CAMTA2: variants seen among roughly 807,000 people sequenced by gnomAD.
CAMTA2 encodes calmodulin-binding transcription activator 2.
In CAMTA2, 56 loss-of-function variants were observed where a neutral mutation model predicts 135.7. The ratio of observed to expected loss-of-function variants is 0.41; its 90% CI spans 0.33 to 0.52. The LOEUF is 0.52. CAMTA2 is among the 20% of genes least tolerant of loss of function. CAMTA2 has a pLI of 0.16. For synonymous variants in CAMTA2, 591 were observed against 604.6 expected (o/e 0.98, Z 0.33); for missense variants, 1,358 against 1,553.4 (o/e 0.87, Z 2.11).
chr17:4,986,480 G>A (rs1973315816), intron 1 of CAMTA2, 194 bp from the exon 2 acceptor site: 1 of 568,620 alleles, frequency 1.8e-6, no homozygotes, highest in Non-Finnish European at 3.1e-6. Flanking sequence ...TGAGTGAGCA[G>A]ACTGGACAGG....
In CAMTA2 at chr17:4,972,526, G is replaced by T. The variant is rs372446750; in HGVS notation, c.2514C>A (p.Ser838Arg). 1 of 1,604,238 alleles carries T rather than the reference G, an allele frequency of 6.2e-7. No individual in the cohort carries two copies. The highest frequency in any genetic ancestry group is 8.5e-7 in the Non-Finnish European group (1 of 1,176,166). ...PSSSPDTGLS[S>R]VSSPSELSDG... ...CCGACAGCTCCGAGGGCGAGGAGAC[G>T]CTGCTCAGACCTGTGTGGGGAGGGA... Residue 838 changes from serine to arginine, a missense_variant, in exon 16 of 23, where the codon AGC (serine) becomes AGA (arginine). Coordinates refer to ENST00000348066, the MANE Select transcript of CAMTA2 (RefSeq NM_015099.4).
chr17:4,973,390 G>T, intron 13 of CAMTA2, 137 bp from the exon 14 acceptor site: 1 of 872,458 alleles, frequency 1.1e-6, no homozygotes, highest in Non-Finnish European at 1.9e-6. Context: ...CTAGCTTAAG[G>T]AGGTCAAGAA....
Position 4,979,846 on chromosome 17 carries a change from A to G in CAMTA2, c.1476T>C (p.Pro492=). The part of the protein sequence containing the change: ...VGRGEALFGG[P]VGASELEPFS... ...AGGGCTCCAGTTCACTGGCCCCAAC[A>G]GGTCCTCCAAACAAGGCCTCTCCTC... is the stretch of plus-strand genomic sequence containing the variant. Residue 492 remains proline, a synonymous_variant, in exon 9 of 23, where the codon CCT becomes CCC. Transcript: ENST00000348066. 1 of 1,610,292 alleles carries G rather than the reference A, an allele frequency of 6.2e-7. No individual in the cohort carries two copies. The highest frequency in any genetic ancestry group is 8.5e-7 in the Non-Finnish European group (1 of 1,179,246).
In CAMTA2 at chr17:4,980,578, G is replaced by T. The variant is rs916877454; in HGVS notation, c.744C>A (p.Arg248=). Residue 248 remains arginine (R), a synonymous_variant, in exon 9 of 23, where the codon CGC becomes CGA. Transcript: ENST00000348066. This position sits in a 1 kb window ranked among gnomAD's most constrained non-coding sequence, Gnocchi z 5.3. Reference sequence around the variant, plus strand: ...GGGGCTCCACTTTGGGAGAGATGATGCGGTGTTTCGTGCTGCTGCATTTGT... The same window carrying T: ...GGGGCTCCACTTTGGGAGAGATGATTCGGTGTTTCGTGCTGCTGCATTTGT... ...LTHKCSSTKH[R]IISPKVEPRA... 6.2e-7 allele frequency: 1 copy of T among 1,614,046 alleles called. No homozygotes were observed.
chr17:4,977,277 A>C (rs1972673319), intron 10 of CAMTA2, 85 bp from the exon 11 acceptor site: 1 of 1,528,944 alleles, frequency 6.5e-7, no homozygotes, highest in Non-Finnish European at 8.9e-7. Flanking sequence ...CAATTATTCC[A>C]TAGTTATTTC....
intron 10 of CAMTA2, 40 bp from the exon 11 acceptor site, chr17:4,977,232 T>C (rs774286409): frequency 4.4e-6 from 7 of 1,601,868 alleles, no homozygotes; most frequent in Non-Finnish European, 6.0e-6. Flanking sequence ...TCTCTTTCCC[T>C]GGCTCCTTCT....
Position 4,968,393 on chromosome 17 carries a change from C to T in CAMTA2, c.*363G>A, listed in dbSNP as rs1294045663. ...GCGAAGGCAGTGGTGGGAACCGAGG[C>T]GGATACATTCAGAGACGCGTCGAAC... On this transcript the variant is annotated 3_prime_UTR_variant, in exon 23 of 23. Coordinates refer to ENST00000348066, the MANE Select transcript of CAMTA2 (RefSeq NM_015099.4). The T allele has an allele frequency of 2.6e-6, 1 of 381,704 alleles. No homozygotes were observed. Among genetic ancestry groups the T allele is most frequent in the Non-Finnish European group, 4.9e-6 (1 of 205,458 alleles). The allele number at this position is 381,704 out of a possible 1,614,324, so 23.6% of individuals were successfully genotyped here. A position where few individuals can be genotyped will look rare whatever the true frequency, so the allele number is the denominator to read the frequency against.
chr17:4,969,670 G>A lies in CAMTA2; in HGVS notation c.3221C>T (p.Ala1074Val). 1 of 1,614,004 alleles carries A rather than the reference G, an allele frequency of 6.2e-7. No individual in the cohort carries two copies. The highest frequency in any genetic ancestry group is 8.5e-7 in the Non-Finnish European group (1 of 1,180,028). The change falls in exon 19 of 23, where the codon GCA becomes GTA. Residue 1074 changes from alanine (A) to valine (V), a missense_variant. Physicochemically the swap from Ala to Val is moderately conservative, Grantham distance 64. Transcript: ENST00000348066. This position sits in a 1 kb window ranked among gnomAD's most constrained non-coding sequence, Gnocchi z 5.6. The part of the protein sequence containing the change: ...GRRLKEQQEV[A>V]AAVIQRCYRK... ...GTAACAGCGCTGGATTACAGCTGCT[G>A]CTACCTCCTGCTGCTCCTTCAGCCG...
At position 4,969,196 on chromosome 17, in the gene CAMTA2, G is replaced by A. The variant is rs1192309501; in HGVS notation, c.3424C>T (p.Pro1142Ser). ...QQHYRSYRRRPGPPHRTSATL... is the reference protein window; with the variant it reads ...QQHYRSYRRRSGPPHRTSATL... Reference sequence around the variant, plus strand: ...GCCGAAGTCCGGTGGGGAGGGCCGGGCCTGCGGCGGTAGGAGCGGTAGTGC... The same window carrying A: ...GCCGAAGTCCGGTGGGGAGGGCCGGACCTGCGGCGGTAGGAGCGGTAGTGC... The change falls in exon 21 of 23, where the codon CCC becomes TCC. Residue 1142 changes from proline (P) to serine (S), a missense_variant. Around this residue, in one of 4 missense-constraint regions of CAMTA2, gnomAD observed 167 missense variants for 207.0 expected, o/e 0.81. Transcript: ENST00000348066. The surrounding 1 kb of genome is among the most constrained non-coding windows in gnomAD (Gnocchi z 5.6). The A allele has an allele frequency of 6.2e-7, 1 of 1,611,810 alleles. No individual in the cohort carries two copies. Among genetic ancestry groups the A allele is most frequent in the South Asian group, 1.1e-5 (1 of 91,014 alleles).
rs1363719435 is a variant in CAMTA2, at chr17:4,980,286, G to A, written c.1036C>T (p.Pro346Ser). ...GGLTPTRHLAPQADPRPSMSL... is the reference protein window; with the variant it reads ...GGLTPTRHLASQADPRPSMSL... ...ATGGAAGGCCTAGGATCAGCCTGTG[G>A]AGCCAAGTGCCTGGTGGGCGTCAAG... The change falls in exon 9 of 23, where the codon CCA becomes TCA. Residue 346 changes from proline to serine, a missense_variant. Pro to Ser is a moderately conservative substitution (Grantham distance 74, BLOSUM62 -1). Around this residue, in one of 4 missense-constraint regions of CAMTA2, gnomAD observed 1,077 missense variants for 1,127.5 expected, o/e 0.96. Transcript: ENST00000348066. The surrounding 1 kb of genome is among the most constrained non-coding windows in gnomAD (Gnocchi z 5.3). 2.5e-6 allele frequency: 4 copies of A among 1,608,718 alleles called. No individual in the cohort carries two copies. The highest frequency in any genetic ancestry group is 1.3e-5 in the African/African-American group (1 of 74,844).
intron 7 of CAMTA2, 70 bp from the exon 8 acceptor site, chr17:4,981,429 C>G: frequency 1.3e-6 from 2 of 1,577,554 alleles, no homozygotes; most frequent in Non-Finnish European, 1.7e-6. Context: ...GATGGCTCCT[C>G]CAAGCACCTG....
chr17:4,985,484 C>T (rs1012550549), intron 3 of CAMTA2, among the ~76,000 whole-genome samples: 4 of 152,270 alleles, frequency 2.6e-5, no homozygotes, highest in East Asian at 3.9e-4. Context: ...AGTGCAGTGG[C>T]GTGATCTCAG....
At chr17:4,983,308 G>A (rs1212132618) in intron 3 of CAMTA2, 1 of 379,526 alleles carries the variant, frequency 2.6e-6, no homozygotes, top group African/African-American at 2.1e-5. Context: ...TTGAGATGGA[G>A]TTTCACTCTT....
Position 4,986,284 on chromosome 17 carries a change from G to C in CAMTA2, c.-62C>G. 7.4e-7 allele frequency: 1 copy of C among 1,360,528 alleles called. No homozygotes were observed. Among genetic ancestry groups the C allele is most frequent in the Non-Finnish European group, 1.0e-6 (1 of 966,738 alleles). 84.3% of individuals were successfully genotyped at this position (1,360,528 alleles called of 1,614,324 possible). ...GAGGGGCCGGGGGGAGGGGGAGTCTGTGCTGGGAAGGGAGAGAACAAGGTC... is the reference window on the plus strand; with the variant it reads ...GAGGGGCCGGGGGGAGGGGGAGTCTCTGCTGGGAAGGGAGAGAACAAGGTC... On this transcript the variant is annotated splice_region_variant and 5_prime_UTR_variant, in exon 2 of 23. Transcript: ENST00000348066.
Position 4,982,810 on chromosome 17 carries a change from C to G in CAMTA2, c.286G>C (p.Asp96His). 6.2e-7 allele frequency: 1 copy of G among 1,614,182 alleles called. No homozygotes were observed. Among genetic ancestry groups the G allele is most frequent in the Non-Finnish European group, 8.5e-7 (1 of 1,180,034 alleles). Residue 96 changes from aspartate to histidine, a missense_variant, in exon 5 of 23, where the codon GAT becomes CAT. Asp to His is a moderately conservative substitution (Grantham distance 81, BLOSUM62 -1). This residue lies in a region of CAMTA2 where 105 missense variants were observed against 190.9 expected (regional missense o/e 0.55). Coordinates refer to ENST00000348066, the MANE Select transcript of CAMTA2 (RefSeq NM_015099.4). ...KDGYLWKKRK[D>H]GKTTREDHMK... ...TGGTCCTCTCGGGTGGTCTTCCCAT[C>G]CTTCCGCTTCTTCCAGAGGTAACCA...
intron 1 of CAMTA2, chr17:4,986,568 A>AAC (rs1414027548): frequency 5.9e-6 from 3 of 512,794 alleles, no homozygotes; most frequent in Non-Finnish European, 1.0e-5. Flanking sequence ...AGAGGCCCTA[A>AAC]ACCTTGAGCT....
chr17:4,975,575 G>A (rs1251308996), intron 11 of CAMTA2, among the ~76,000 whole-genome samples: 1 of 152,148 alleles, frequency 6.6e-6, no homozygotes, highest in East Asian at 1.9e-4. Context: ...TGAGAGGCCT[G>A]GCCAGATCCC....
intron 13 of CAMTA2, 78 bp downstream of exon 13, chr17:4,973,507 G>T: frequency 7.0e-7 from 1 of 1,427,512 alleles, no homozygotes; most frequent in East Asian, 2.5e-5. Context: ...AGGGCCCCAG[G>T]TCCTCCAATT....
rs1455759279 is a variant in CAMTA2 at position 4,987,313 on chromosome 17, A to C, written c.-65+280T>G. ...CCGCCCGCATAGAGGGATGTTCTGG[A>C]GAAGCCGGGAGCAGAGTCCGCGGGC... On this transcript the variant is annotated intron_variant, in intron 1 of 22. Coordinates refer to ENST00000348066, the MANE Select transcript of CAMTA2 (RefSeq NM_015099.4). 61 of 1,344,328 alleles carry C rather than the reference A, an allele frequency of 4.5e-5. 3 individuals are homozygous for C. The South Asian group carries it at 1.1e-3, about 25-fold the overall frequency. 83.3% of individuals were successfully genotyped at this position (1,344,328 alleles called of 1,614,324 possible).
Sources: allele counts gnomAD v4.1 joint callset (sites outside exome capture counted in the v4.1 genomes callset), GRCh38; gene constraint gnomAD v4.1.1; regional missense constraint gnomAD v4.1.1; non-coding constraint Gnocchi (gnomAD v3.1); transcripts MANE v1.5; gene names NCBI Gene and HGNC (gene_info 2026-07-23, HGNC 2026-07-21).